Variants in MED23 observed in about 807,000 individuals in gnomAD.
MED23 encodes mediator of RNA polymerase II transcription subunit 23.
Under a neutral mutation model 163.9 loss-of-function variants are expected in MED23, and 105 were observed. The ratio of observed to expected loss-of-function variants is 0.64; its 90% confidence interval spans 0.55 to 0.75. MED23 has a LOEUF of 0.75. Among genes scored for constraint, MED23 ranks in the 30% least tolerant of loss-of-function variants. The probability of loss-of-function intolerance (pLI) is 0.00; values close to 1 mark genes in which losing one functional copy is unlikely to be tolerated. For missense variants in MED23, 1,054 were observed against 1,649.0 expected (o/e 0.64, Z 6.25); for synonymous variants, 561 against 565.6 (o/e 0.99, Z 0.12).
rs1775367253 is a variant in MED23, at chr6:131,600,250, C to T, written c.2096-88G>A. The T allele has an allele frequency of 3.8e-6, 5 of 1,314,946 alleles. No homozygotes were observed. The Admixed American group carries it at 9.6e-5, about 25-fold the overall frequency. 81.5% of individuals were successfully genotyped at this position (1,314,946 alleles called of 1,614,324 possible). On this transcript the variant is annotated intron_variant, in intron 17 of 28. Transcript: ENST00000368068. ...TTATAGCGAAAATAATAATTATGTACACTGAGAATTTCACTGCAGTGCATT... is the reference window on the plus strand; with the variant it reads ...TTATAGCGAAAATAATAATTATGTATACTGAGAATTTCACTGCAGTGCATT...
chr6:131,584,396 A>ACACACACC (rs1554251455), downstream of MED23: 1 of 152,156 alleles, frequency 6.6e-6, no homozygotes, highest in African/African-American at 2.5e-5. Flanking sequence ...ACACACACAC[A>ACACACACC]CCCCACATTC....
At position 131,596,840 on chromosome 6, in the gene MED23, C is replaced by T. The variant is rs953150715; in HGVS notation, c.2608-152G>A. 4.1e-6 allele frequency: 3 copies of T among 734,392 alleles called. No homozygotes were observed. The Admixed American group carries it at 7.4e-5, about 18-fold the overall frequency. 45.5% of individuals were successfully genotyped at this position (734,392 alleles called of 1,614,324 possible). On this transcript the variant is annotated intron_variant, in intron 20 of 28. Coordinates refer to ENST00000368068, the MANE Select transcript of MED23 (RefSeq NM_004830.4). ...ATCCCAAACCAACTGTTCAGTATTC[C>T]CCAAACATATATGACCTTTCTTGCC...
intron 30 of MED23, chr6:131,574,373 C>T: frequency 5.9e-6 from 9 of 1,535,606 alleles, no homozygotes; most frequent in Non-Finnish European, 8.1e-6. Context: ...TACTTTGCTT[C>T]CCCTGGAAAT....
At chr6:131,583,719 A>T (rs777241666), downstream of MED23, 5 of 1,609,300 alleles carry the variant, frequency 3.1e-6, no homozygotes, top group East Asian at 8.9e-5. Flanking sequence ...TATAAATTAC[A>T]TTATTACAAT....
In MED23 at chr6:131,577,846, G is replaced by A. The variant is rs567211156; in HGVS notation, c.4096-3551C>T. Reference sequence around the variant, plus strand: ...CTTGAACCCGGAGGCAGAGGTTGCAGTGAGCTGAGATTGCGCCACTGCACC... The same window carrying A: ...CTTGAACCCGGAGGCAGAGGTTGCAATGAGCTGAGATTGCGCCACTGCACC... On this transcript the variant is annotated intron_variant, in intron 30 of 30. Transcript: ENST00000354577. Among the ~76,000 whole-genome samples, 9 of 151,106 alleles carry A rather than the reference G, an allele frequency of 6.0e-5. No homozygotes were observed. The South Asian group carries it at 1.9e-3, about 32-fold the overall frequency.
chr6:131,589,688 G>A (rs1028932297), intron 27 of MED23, 92 bp from the exon 28 acceptor site: 19 of 1,154,682 alleles, frequency 1.6e-5, no homozygotes, highest in East Asian at 7.3e-5. Context: ...CACTAGCACC[G>A]GGGGATACTG....
intron 17 of MED23, among the ~76,000 whole-genome samples, chr6:131,600,597 C>T (rs1421999866): frequency 6.6e-6 from 1 of 152,092 alleles, no homozygotes; most frequent in African/African-American, 2.4e-5. Flanking sequence ...TTATGTAAAA[C>T]AAAATAATTT....
intron 9 of MED23, among the ~76,000 whole-genome samples, chr6:131,616,336 T>A (rs1281946670): frequency 6.6e-6 from 1 of 152,224 alleles, no homozygotes; most frequent in Non-Finnish European, 1.5e-5. Flanking sequence ...TTAAATTTTT[T>A]AAATTTTAGC....
Position 131,625,911 on chromosome 6 carries a change from G to A in MED23, c.160-922C>T, listed in dbSNP as rs541017618. ...GCCGAGGTGGGCAGATCATGAGGTC[G>A]GGAGATCGAGACCAACCTGGCTAAC... On this transcript the variant is annotated intron_variant, in intron 3 of 28. Transcript: ENST00000368068. 2.2e-4 allele frequency among the ~76,000 whole-genome samples: 34 copies of A among 151,668 alleles called. 1 individual carries two copies. Among genetic ancestry groups the A allele is most frequent in the Admixed American group, 1.2e-3 (19 of 15,234 alleles).
At chr6:131,592,339 C>G in intron 25 of MED23, 49 bp downstream of exon 25, 1 of 1,525,880 alleles carries the variant, frequency 6.6e-7, no homozygotes, top group Non-Finnish European at 9.1e-7. Flanking sequence ...TGACATGGAA[C>G]AGCTGGCTGT....
At position 131,623,369 on chromosome 6, in the gene MED23, A is replaced by T. The variant is rs770798536; in HGVS notation, c.378T>A (p.Ile126=). 1.2e-6 allele frequency: 2 copies of T among 1,613,458 alleles called. No homozygotes were observed. Among genetic ancestry groups the T allele is most frequent in the African/African-American group, 1.3e-5 (1 of 74,862 alleles). ...AATATACCTTGTAATCCACTCCCCC[A>T]ATTATTTTCCGAACCAGTTTAAATG... is the stretch of plus-strand genomic sequence containing the variant. ...ALTFKLVRKI[I]GGVDYKGVRD... is the part of the protein sequence containing the mutation. The change falls in exon 5 of 29, where the codon ATT becomes ATA. Residue 126 remains isoleucine, a synonymous_variant. Coordinates refer to ENST00000368068, the MANE Select transcript of MED23 (RefSeq NM_004830.4).
chr6:131,621,799 C>T (rs948255530), intron 6 of MED23, 82 bp downstream of exon 6: 18 of 769,998 alleles, frequency 2.3e-5, no homozygotes, highest in African/African-American at 9.0e-5. Flanking sequence ...CACAAAATAC[C>T]GTAAGTATTA....
At chr6:131,579,687 T>A (rs764883524) in intron 30 of MED23, 1 of 159,104 alleles carries the variant, frequency 6.3e-6, no homozygotes, top group South Asian at 1.8e-4. Flanking sequence ...TCATAACATT[T>A]TTGAAAGCAT....
chr6:131,590,343 C>T lies in MED23; in HGVS notation c.3786G>A (p.Glu1262=). ...TTACCTCTATCATACAACGAGTTCT[C>T]TCTTGCTGAAATCTTTGTAAAAATG... The part of the protein sequence containing the change: ...VGPFLQRFQQ[E]RTRCMIEIGV... The change falls in exon 27 of 29, where the codon GAG becomes GAA. Residue 1262 remains glutamate (E), a synonymous_variant. Transcript: ENST00000368068. 1 of 1,612,636 alleles carries T rather than the reference C, an allele frequency of 6.2e-7. No individual in the cohort carries two copies. The highest frequency in any genetic ancestry group is 1.1e-5 in the South Asian group (1 of 91,038).
chr6:131,621,148 C>T (rs76375274), intron 6 of MED23, among the ~76,000 whole-genome samples: 10,346 of 152,016 alleles, frequency 0.068, 1,218 homozygotes, highest in African/African-American at 0.23. Context: ...ACAAAAAAGA[C>T]ATTAAAAAGT....
Position 131,598,231 on chromosome 6 carries a change from T to C in MED23, c.2607+56A>G, listed in dbSNP as rs749493310. The C allele has an allele frequency of 2.0e-6, 3 of 1,497,884 alleles. No individual in the cohort carries two copies. Among genetic ancestry groups the C allele is most frequent in the East Asian group, 2.3e-5 (1 of 44,212 alleles). The allele number at this position is 1,497,884 out of a possible 1,614,324, so 92.8% of individuals were successfully genotyped here. ...ATATAGAGCAGATTGGCATAACATA[T>C]ATTAGTCATACATCTTGATCTAAGA... On this transcript the variant is annotated intron_variant, in intron 20 of 28. Transcript: ENST00000368068. This position sits in a 1 kb window ranked among gnomAD's most constrained non-coding sequence, Gnocchi z 4.7.
In MED23 at chr6:131,590,367, T is replaced by C; in HGVS notation, c.3762A>G (p.Pro1254=). Reference sequence around the variant, plus strand: ...TCTCTTGCTGAAATCTTTGTAAAAATGGTCCAACAAGATGGTATACATAAA... The same window carrying C: ...TCTCTTGCTGAAATCTTTGTAAAAACGGTCCAACAAGATGGTATACATAAA... ...QLLYVYHLVG[P]FLQRFQQERT... Residue 1254 remains proline, a synonymous_variant, in exon 27 of 29, where the codon CCA becomes CCG. Transcript: ENST00000368068. The C allele has an allele frequency of 6.2e-7, 1 of 1,612,040 alleles. No homozygotes were observed. Among genetic ancestry groups the C allele is most frequent in the East Asian group, 2.2e-5 (1 of 44,734 alleles).
rs770000961 is a variant in MED23 at position 131,596,574 on chromosome 6, A to T, written c.2722T>A (p.Ser908Thr). Reference sequence around the variant, plus strand: ...TCATTCTGTAACCAGTGCTCTGGGGAATTTTCCTTCACAAAGTCACTTACT... The same window carrying T: ...TCATTCTGTAACCAGTGCTCTGGGGTATTTTCCTTCACAAAGTCACTTACT... ...NRVSDFVKEN[S>T]PEHWLQNDWH... Residue 908 changes from serine (S) to threonine (T), a missense_variant, in exon 21 of 29, where the codon TCC (serine) becomes ACC (threonine). By Grantham distance (58) the Ser-to-Thr change is moderately conservative. This residue lies in a region of MED23 where 228 missense variants were observed against 461.3 expected (regional missense o/e 0.49). Coordinates refer to ENST00000368068, the MANE Select transcript of MED23 (RefSeq NM_004830.4). The T allele has an allele frequency of 3.7e-6, 6 of 1,614,196 alleles. No individual in the cohort carries two copies. Among genetic ancestry groups the T allele is most frequent in the Non-Finnish European group, 5.1e-6 (6 of 1,180,030 alleles).
chr6:131,583,074 C>T, downstream of MED23: 2 of 1,612,632 alleles, frequency 1.2e-6, no homozygotes, highest in Non-Finnish European at 8.5e-7. Flanking sequence ...ATTTTGAAAA[C>T]TCTAGGCATT....
Sources: allele counts gnomAD v4.1 joint callset (sites outside exome capture counted in the v4.1 genomes callset), GRCh38; gene constraint gnomAD v4.1.1; regional missense constraint gnomAD v4.1.1; non-coding constraint Gnocchi (gnomAD v3.1); transcripts MANE v1.5; gene names NCBI Gene and HGNC (gene_info 2026-07-23, HGNC 2026-07-21).